Variants in BCAS1 observed in about 807,000 individuals in gnomAD.
BCAS1 encodes brain enriched myelin associated protein 1, also known as breast carcinoma-amplified sequence 1.
Under a neutral mutation model 65.4 loss-of-function variants are expected in BCAS1, and 46 were observed. That is an observed-to-expected ratio of 0.70 (90% CI 0.55 to 0.90). The LOEUF is 0.90. Among genes scored for constraint, BCAS1 ranks in the 40% least tolerant of loss-of-function variants. The probability of loss-of-function intolerance (pLI) is 0.00; values close to 1 mark genes in which losing one functional copy is unlikely to be tolerated. For synonymous variants in BCAS1, 298 were observed against 293.5 expected, an observed-to-expected ratio of 1.02 and a Z score of -0.16; for missense variants, 793 against 771.2, an observed-to-expected ratio of 1.03 and a Z score of -0.33.
At chr20:54,044,725 C>G (rs540519985) in intron 3 of BCAS1, among the ~76,000 whole-genome samples, 1 of 151,566 alleles carries the variant, frequency 6.6e-6, no homozygotes, top group Admixed American at 6.6e-5. Context: ...GTAATCTCAG[C>G]TACTAGGGAG....
intron 4 of BCAS1, among the ~76,000 whole-genome samples, chr20:54,012,509 G>A (rs1398232116): frequency 6.7e-6 from 1 of 149,874 alleles, no homozygotes. Context: ...TTCTGGAAGA[G>A]CAACAATGAA....
intron 3 of BCAS1, among the ~76,000 whole-genome samples, chr20:54,053,842 A>G (rs914270321): frequency 2.6e-5 from 4 of 152,350 alleles, no homozygotes; most frequent in Non-Finnish European, 5.9e-5. Flanking sequence ...TTGCTTAGCC[A>G]TGGTACCATT....
chr20:53,989,906 A>G (rs772116971), intron 7 of BCAS1, among the ~76,000 whole-genome samples: 6 of 152,252 alleles, frequency 3.9e-5, no homozygotes, highest in East Asian at 1.9e-4. Context: ...GGACATACTT[A>G]TATTTAAATT....
chr20:53,986,725 C>G (rs1405992596), intron 7 of BCAS1, among the ~76,000 whole-genome samples: 2 of 152,042 alleles, frequency 1.3e-5, no homozygotes, highest in African/African-American at 4.8e-5. Context: ...TGGTGAAACC[C>G]TATCTCTACA....
chr20:54,055,832 A>C (rs1229502119), intron 3 of BCAS1, among the ~76,000 whole-genome samples: 1 of 152,240 alleles, frequency 6.6e-6, no homozygotes, highest in Non-Finnish European at 1.5e-5. Context: ...GTAAATACAC[A>C]CACACAACAG....
At chr20:53,957,284 C>A in intron 11 of BCAS1, 148 bp downstream of exon 11, 1 of 717,102 alleles carries the variant, frequency 1.4e-6, no homozygotes, top group South Asian at 1.7e-5. Flanking sequence ...TCTGCAGACC[C>A]CAACATAGTT....
At chr20:54,059,524 A>G (rs749490675) in intron 1 of BCAS1, among the ~76,000 whole-genome samples, 18 of 151,234 alleles carry the variant, frequency 1.2e-4, no homozygotes, top group Non-Finnish European at 2.2e-4. Context: ...CAGGGCTTGT[A>G]ATTATATACT....
At chr20:53,993,795 G>A (rs1402766239) in intron 6 of BCAS1, among the ~76,000 whole-genome samples, 1 of 152,228 alleles carries the variant, frequency 6.6e-6, no homozygotes, top group Non-Finnish European at 1.5e-5. Flanking sequence ...AATGCATGTA[G>A]ATGCTTCAGA....
intron 4 of BCAS1, among the ~76,000 whole-genome samples, chr20:53,997,260 A>C (rs2145860276): frequency 6.6e-6 from 1 of 152,398 alleles, no homozygotes; most frequent in East Asian, 1.9e-4. Context: ...TCAAGTACCA[A>C]GGACAGCGAG....
chr20:54,039,607 G>C (rs1388754122), intron 3 of BCAS1, among the ~76,000 whole-genome samples: 1 of 151,298 alleles, frequency 6.6e-6, no homozygotes, highest in East Asian at 1.9e-4. Context: ...AATATGCAAA[G>C]CTCATTCAAA....
At position 54,036,021 on chromosome 20, in the gene BCAS1, CA is replaced by C. The variant is rs917850326; in HGVS notation, c.143-7050del. Reference sequence around the variant, plus strand: ...TAAATGATGAGAACACATGGCCACACAGGGGGAACAACACACACTGGGGCCT... The same window carrying C: ...TAAATGATGAGAACACATGGCCACACGGGGGAACAACACACACTGGGGCCT... On this transcript the variant is annotated intron_variant, in intron 3 of 12. Transcript: ENST00000688948. 2.0e-5 allele frequency among the ~76,000 whole-genome samples: 3 copies of C among 151,070 alleles called. No individual in the cohort carries two copies. In the Admixed American group the frequency reaches 2.0e-4, roughly 10 times the overall value.
intron 3 of BCAS1, among the ~76,000 whole-genome samples, chr20:54,040,566 T>C (rs560431321): frequency 4.6e-5 from 7 of 151,362 alleles, no homozygotes; most frequent in East Asian, 1.9e-4. Context: ...GGAGCAGATA[T>C]ACTAATGGCC....
chr20:53,957,643 C>T, intron 10 of BCAS1, 146 bp from the exon 11 acceptor site: 1 of 695,698 alleles, frequency 1.4e-6, no homozygotes, highest in Non-Finnish European at 2.5e-6. Context: ...ACATGTTACT[C>T]ATTGGATATA....
chr20:53,973,031 C>A (rs1298417460), intron 9 of BCAS1, among the ~76,000 whole-genome samples: 1 of 152,126 alleles, frequency 6.6e-6, no homozygotes, highest in Non-Finnish European at 1.5e-5. Context: ...AGTTTGAGAC[C>A]AGCCTGGCCA....
chr20:54,057,266 A>T (rs1254823631), intron 3 of BCAS1, among the ~76,000 whole-genome samples: 2 of 152,234 alleles, frequency 1.3e-5, no homozygotes, highest in Non-Finnish European at 1.5e-5. Flanking sequence ...ATAATGGCAG[A>T]GGCTGTGCAC....
chr20:54,023,391 GTGAAAAT>G (rs2091603331), intron 4 of BCAS1, among the ~76,000 whole-genome samples: 1 of 152,188 alleles, frequency 6.6e-6, no homozygotes, highest in Non-Finnish European at 1.5e-5. Flanking sequence ...CTGTAAAATG[GTGAAAAT>G]ACAGGAATTC....
chr20:54,044,563 C>T (rs1290701341), intron 3 of BCAS1, among the ~76,000 whole-genome samples: 3 of 152,238 alleles, frequency 2.0e-5, no homozygotes, highest in South Asian at 2.1e-4. Context: ...TCCGGCCGGG[C>T]GCGGTGGCTC....
At chr20:54,020,970 G>T (rs1397631967) in intron 4 of BCAS1, among the ~76,000 whole-genome samples, 6 of 152,136 alleles carry the variant, frequency 3.9e-5, no homozygotes. Flanking sequence ...CTAATGTAAT[G>T]GATACACTCA....
rs749195720 is a variant in BCAS1 at position 53,996,052 on chromosome 20, T to C, written c.724-2A>G. On this transcript the variant is annotated splice_acceptor_variant, in intron 4 of 12. Transcript: ENST00000688948. LOFTEE classifies it high-confidence loss of function. ...TTTTTCCTTGCCGTCAACTATGTCCTAGGGGCAAAACAGTTGTCACAGTTG... is the reference window on the plus strand; with the variant it reads ...TTTTTCCTTGCCGTCAACTATGTCCCAGGGGCAAAACAGTTGTCACAGTTG... The C allele has an allele frequency of 6.3e-7, 1 of 1,590,122 alleles. No homozygotes were observed. Among genetic ancestry groups the C allele is most frequent in the Non-Finnish European group, 8.6e-7 (1 of 1,167,998 alleles).
Sources: gnomAD v4.1 joint callset for allele counts (sites outside exome capture counted in the v4.1 genomes callset) on GRCh38, gnomAD v4.1.1 for gene constraint, MANE v1.5 for transcripts, NCBI Gene and HGNC (gene_info 2026-07-23, HGNC 2026-07-21) for gene names.